FRMD5: variants seen among roughly 807,000 people sequenced by gnomAD.
The protein encoded by FRMD5 is FERM domain-containing protein 5.
Under a neutral mutation model 69.0 loss-of-function variants are expected in FRMD5, and 20 were observed. The observed-to-expected ratio is 0.29, with a 90% CI of 0.20 to 0.42. The LOEUF is 0.42. Ranked by LOEUF, FRMD5 falls within the 10% of genes least tolerant of loss-of-function variation. The pLI, the probability that FRMD5 is intolerant of heterozygous loss-of-function variation, is 1.00. For synonymous variants in FRMD5, 271 were observed against 260.1 expected, an observed-to-expected ratio of 1.04 and a Z score of -0.40; for missense variants, 595 against 708.6, an observed-to-expected ratio of 0.84 and a Z score of 1.82.
intron 1 of FRMD5, among the ~76,000 whole-genome samples, chr15:44,166,783 C>CAAAAAA (rs1006711939): frequency 9.4e-5 from 5 of 52,960 alleles, no homozygotes; most frequent in East Asian, 6.3e-4. Context: ...GACCCTATCT[C>CAAAAAA]AAAAAAAAAA....
At chr15:44,086,562 G>A (rs1894204658) in intron 1 of FRMD5, among the ~76,000 whole-genome samples, 1 of 152,154 alleles carries the variant, frequency 6.6e-6, no homozygotes, top group Non-Finnish European at 1.5e-5. Flanking sequence ...AGGTAGGAGA[G>A]AAATAGGAGT....
At chr15:43,945,041 C>G (rs1305059889) in intron 1 of FRMD5, among the ~76,000 whole-genome samples, 1 of 151,828 alleles carries the variant, frequency 6.6e-6, no homozygotes, top group Non-Finnish European at 1.5e-5. Flanking sequence ...CCCACCTTAG[C>G]CTTCCAAAGT....
At chr15:44,133,245 A>G (rs1393074344) in intron 1 of FRMD5, among the ~76,000 whole-genome samples, 4 of 151,464 alleles carry the variant, frequency 2.6e-5, no homozygotes, top group Non-Finnish European at 5.9e-5. Flanking sequence ...CAAAAAAATG[A>G]TTAAAATGGC....
intron 1 of FRMD5, among the ~76,000 whole-genome samples, chr15:44,143,839 G>T (rs937366035): frequency 1.4e-5 from 2 of 147,146 alleles, no homozygotes; most frequent in Non-Finnish European, 3.0e-5. Context: ...GCAGGAAATC[G>T]CTTGAACCCA....
chr15:43,919,389 G>A (rs1566835550), intron 4 of FRMD5, 70 bp downstream of exon 4: 3 of 1,321,544 alleles, frequency 2.3e-6, no homozygotes, highest in Non-Finnish European at 3.3e-6. Context: ...GAGGCTCTAA[G>A]AGGTCACCAT....
chr15:43,901,941 T>G, intron 7 of FRMD5: 11 of 489,266 alleles, frequency 2.2e-5, no homozygotes, highest in East Asian at 3.6e-5. Context: ...TAGCTTTGGA[T>G]TTGTTATTTA....
At chr15:43,886,178 G>A (rs1333555277) in intron 10 of FRMD5, among the ~76,000 whole-genome samples, 1 of 152,042 alleles carries the variant, frequency 6.6e-6, no homozygotes, top group Non-Finnish European at 1.5e-5. Flanking sequence ...GATAGAGCTG[G>A]GACTACTGGA....
At chr15:43,941,922 A>G (rs1331248833) in intron 1 of FRMD5, among the ~76,000 whole-genome samples, 1 of 152,236 alleles carries the variant, frequency 6.6e-6, no homozygotes, top group African/African-American at 2.4e-5. Context: ...TACCTCTAAG[A>G]TTCTTATTCA....
intron 1 of FRMD5, among the ~76,000 whole-genome samples, chr15:43,959,556 A>G (rs2090164511): frequency 6.6e-6 from 1 of 152,236 alleles, no homozygotes; most frequent in Non-Finnish European, 1.5e-5. Context: ...ACTGACTGGG[A>G]GATGAGACAC....
chr15:44,180,784 C>G (rs1175272752), intron 1 of FRMD5, among the ~76,000 whole-genome samples: 1 of 151,666 alleles, frequency 6.6e-6, no homozygotes, highest in Non-Finnish European at 1.5e-5. Flanking sequence ...GACTCCATCT[C>G]AAAAAAAGAA....
rs773312729 is a variant in FRMD5 at position 43,902,172 on chromosome 15, T to C, written c.639+3A>G. The C allele has an allele frequency of 2.1e-5, 34 of 1,612,002 alleles. No individual in the cohort carries two copies. In the African/African-American group the frequency reaches 4.3e-4, roughly 20 times the overall value. On this transcript the variant is annotated splice_donor_region_variant and intron_variant, in intron 7 of 13. Transcript: ENST00000417257. ...CATGCAGTCTCCAACCAGGGGGTCT[T>C]ACCTTACATGGGTGAGGATCCACTC...
intron 7 of FRMD5, among the ~76,000 whole-genome samples, chr15:43,892,734 A>C (rs2088821370): frequency 6.6e-6 from 1 of 152,248 alleles, no homozygotes; most frequent in East Asian, 1.9e-4. Flanking sequence ...AAGTGAAAGA[A>C]GCCAGTCACA....
intron 1 of FRMD5, among the ~76,000 whole-genome samples, chr15:43,995,419 G>A (rs1443445707): frequency 6.6e-6 from 1 of 152,084 alleles, no homozygotes; most frequent in African/African-American, 2.4e-5. Context: ...GCTGGGGTGT[G>A]CCTGGAGCCT....
intron 13 of FRMD5, among the ~76,000 whole-genome samples, 160 bp from the exon 14 acceptor site, chr15:43,874,622 G>C (rs1002016452): frequency 6.6e-6 from 1 of 152,198 alleles, no homozygotes; most frequent in Non-Finnish European, 1.5e-5. Context: ...ACGACAGGCC[G>C]GGTATGGTGG....
intron 1 of FRMD5, among the ~76,000 whole-genome samples, chr15:44,073,509 T>C (rs1349332905): frequency 1.3e-5 from 2 of 152,226 alleles, no homozygotes; most frequent in Non-Finnish European, 2.9e-5. Flanking sequence ...CTACCTATTA[T>C]ATTCTGACAT....
chr15:43,888,313 A>G (rs764241123), intron 9 of FRMD5, 47 bp from the exon 10 acceptor site: 40 of 1,384,050 alleles, frequency 2.9e-5, no homozygotes, highest in Non-Finnish European at 3.8e-5. Context: ...ATGGAGAAGC[A>G]AAGGGTGAAG....
chr15:43,978,549 G>A (rs2090499874), intron 1 of FRMD5, among the ~76,000 whole-genome samples: 1 of 152,136 alleles, frequency 6.6e-6, no homozygotes. Context: ...TGGTTAACAT[G>A]ATTTTCTGAG....
intron 1 of FRMD5, among the ~76,000 whole-genome samples, chr15:44,005,837 C>T (rs1341632158): frequency 6.6e-6 from 1 of 152,184 alleles, no homozygotes; most frequent in African/African-American, 2.4e-5. Flanking sequence ...TGGGGATTAT[C>T]TTTCAACATG....
intron 1 of FRMD5, among the ~76,000 whole-genome samples, chr15:43,936,720 A>G (rs1011533354): frequency 1.3e-5 from 2 of 150,880 alleles, no homozygotes; most frequent in Non-Finnish European, 2.9e-5. Flanking sequence ...TCTGCCTTTT[A>G]TCTAGTTTGC....
Sources: gnomAD v4.1 joint callset for allele counts (sites outside exome capture counted in the v4.1 genomes callset) on GRCh38, gnomAD v4.1.1 for gene constraint, MANE v1.5 for transcripts, NCBI Gene and HGNC (gene_info 2026-07-23, HGNC 2026-07-21) for gene names.